Variants in LYRM4 observed in about 807,000 individuals in gnomAD.
LYRM4 encodes LYR motif containing 4, also known as LYR motif-containing protein 4.
A neutral mutation model predicts 11.7 loss-of-function variants in LYRM4; 9 were observed. The ratio of observed to expected loss-of-function variants is 0.77; its 90% CI spans 0.46 to 1.34. LYRM4 has a LOEUF of 1.34. LYRM4 is among the 40% of genes most tolerant of loss of function. LYRM4 has a pLI of 0.00. For missense variants in LYRM4, 133 were observed against 112.5 expected, an observed-to-expected ratio of 1.18 and a Z score of -0.82; for synonymous variants, 42 against 40.4, an observed-to-expected ratio of 1.04 and a Z score of -0.15.
At chr6:5,034,757 T>TTTTTTTTTTTTTTTTTTG in the LYRM4 span, 1 of 11,818 alleles carries the variant, frequency 8.5e-5, no homozygotes, top group African/African-American at 1.6e-4. Context: ...GCAATGCTTT[T>TTTTTTTTTTTTTTTTTTG]TTTTTTTTTT....
chr6:5,082,029 A>T, the LYRM4 span, among the ~76,000 whole-genome samples: 1 of 152,228 alleles, frequency 6.6e-6, no homozygotes, highest in South Asian at 2.1e-4. Context: ...TCTGTCTTCT[A>T]TCTCTTCCCT....
At chr6:5,186,469 G>T in intron 2 of LYRM4, 1 of 772,134 alleles carries the variant, frequency 1.3e-6, no homozygotes, top group Non-Finnish European at 1.6e-6. Flanking sequence ...TTCCATAAAT[G>T]ATACTAGGAC....
At chr6:5,236,510 C>A (rs982926014) in intron 1 of LYRM4, 11 of 151,558 alleles carry the variant, frequency 7.3e-5, no homozygotes, top group African/African-American at 2.7e-4. Flanking sequence ...TTTCTGAAAC[C>A]AAAGTTTTCA....
chr6:5,179,063 A>T (rs1759904327), intron 2 of LYRM4, among the ~76,000 whole-genome samples: 2 of 66,748 alleles, frequency 3.0e-5, no homozygotes, highest in African/African-American at 1.5e-4. Context: ...AAACCAAAAA[A>T]ACAAAAAAAA....
intron 2 of LYRM4, among the ~76,000 whole-genome samples, chr6:5,191,188 T>G (rs1408549850): frequency 8.5e-5 from 13 of 152,268 alleles, no homozygotes; most frequent in Middle Eastern, 3.4e-3. Flanking sequence ...TGGAAGCTAT[T>G]AAAACAACAT....
Position 5,119,929 on chromosome 6 carries a change from C to T in LYRM4, c.208-10438G>A, listed in dbSNP as rs561319276. Among the ~76,000 whole-genome samples the T allele has an allele frequency of 1.3e-4, 20 of 151,550 alleles. 1 individual carries two copies. The South Asian group carries it at 4.2e-3, about 32-fold the overall frequency. On this transcript the variant is annotated intron_variant, in intron 2 of 2. Transcript: ENST00000330636. The stretch of plus-strand genomic sequence containing the variant: ...ACTATTTTATTTTTTGAGAAAGAGT[C>T]TCGCTCTGTCATCCAAGCTGGAGTG...
chr6:5,156,418 T>C (rs550001043), intron 2 of LYRM4, among the ~76,000 whole-genome samples: 2 of 152,112 alleles, frequency 1.3e-5, no homozygotes, highest in Non-Finnish European at 2.9e-5. Flanking sequence ...GCCTGTGCAT[T>C]TGCTATACTG....
intron 1 of LYRM4, among the ~76,000 whole-genome samples, chr6:5,219,953 C>T (rs1265192414): frequency 2.0e-5 from 3 of 152,178 alleles, no homozygotes; most frequent in East Asian, 3.9e-4. Flanking sequence ...AGCCCCACAG[C>T]CACAGAAACA....
intron 2 of LYRM4, among the ~76,000 whole-genome samples, chr6:5,117,789 G>A (rs1763190199): frequency 6.6e-6 from 1 of 152,068 alleles, no homozygotes. Context: ...GGTTGCTTGA[G>A]CCCAGGAGTT....
intron 2 of LYRM4, among the ~76,000 whole-genome samples, chr6:5,158,345 A>T (rs1415997606): frequency 6.6e-6 from 1 of 152,204 alleles, no homozygotes; most frequent in Non-Finnish European, 1.5e-5. Flanking sequence ...TTTACACTGA[A>T]TGCACTGTCA....
chr6:5,223,408 C>T (rs1762700098), intron 1 of LYRM4, among the ~76,000 whole-genome samples: 1 of 152,152 alleles, frequency 6.6e-6, no homozygotes, highest in Non-Finnish European at 1.5e-5. Context: ...GCCAAGATCG[C>T]ATGTCTCGTA....
At chr6:5,188,259 G>A (rs1760539857) in intron 2 of LYRM4, among the ~76,000 whole-genome samples, 1 of 151,752 alleles carries the variant, frequency 6.6e-6, no homozygotes, top group Non-Finnish European at 1.5e-5. Flanking sequence ...ATGGCATGAG[G>A]TGCCAGCTAC....
rs6597117 is a variant in LYRM4, at chr6:5,155,877, T to G, written c.208-46386A>C. On this transcript the variant is annotated intron_variant, in intron 2 of 2. Coordinates refer to ENST00000330636, the MANE Select transcript of LYRM4 (RefSeq NM_020408.6). ...TGTATGTTCCAAAGTATTATACATG[T>G]TCCCTGTGAAATACACATTAGTTGT... is the stretch of plus-strand genomic sequence containing the variant. Among the ~76,000 whole-genome samples, 3 of 152,126 alleles carry G rather than the reference T, an allele frequency of 2.0e-5. No individual in the cohort carries two copies. In the South Asian group the frequency reaches 6.2e-4, roughly 31 times the overall value.
chr6:5,068,652 G>T, the LYRM4 span, among the ~76,000 whole-genome samples: 4 of 152,124 alleles, frequency 2.6e-5, no homozygotes, highest in African/African-American at 9.7e-5. The surrounding 1 kb of genome is among the most constrained non-coding windows in gnomAD (Gnocchi z 4.0). Flanking sequence ...ACTTAATCCC[G>T]TTGGAAAGGG....
intron 1 of LYRM4, chr6:5,218,369 G>A: frequency 1.0e-6 from 1 of 985,042 alleles, no homozygotes; most frequent in South Asian, 4.7e-5. Flanking sequence ...AGCGCGGAGG[G>A]GGTGTTGGGA....
At chr6:5,047,922 C>A in the LYRM4 span, among the ~76,000 whole-genome samples, 1 of 152,096 alleles carries the variant, frequency 6.6e-6, no homozygotes, top group Non-Finnish European at 1.5e-5. Context: ...GGAAGGGTTC[C>A]CAGGTCTGCT....
At chr6:5,250,537 T>G (rs1403428967) in intron 1 of LYRM4, among the ~76,000 whole-genome samples, 1 of 152,210 alleles carries the variant, frequency 6.6e-6, no homozygotes, top group Admixed American at 6.5e-5. Flanking sequence ...AAAATGTTTT[T>G]TGGAAACTCC....
chr6:5,090,777 C>T, the LYRM4 span, among the ~76,000 whole-genome samples: 1 of 152,144 alleles, frequency 6.6e-6, no homozygotes, highest in Non-Finnish European at 1.5e-5. This position sits in a 1 kb window ranked among gnomAD's most constrained non-coding sequence, Gnocchi z 4.8. Flanking sequence ...GCATTAGTGT[C>T]GGATTCTTCA....
At chr6:5,233,525 A>G (rs1486082361) in intron 1 of LYRM4, among the ~76,000 whole-genome samples, 1 of 152,202 alleles carries the variant, frequency 6.6e-6, no homozygotes, top group African/African-American at 2.4e-5. Flanking sequence ...TGATCTGCAC[A>G]AAACTTCTAC....
Sources: gnomAD v4.1 joint callset for allele counts (sites outside exome capture counted in the v4.1 genomes callset) on GRCh38, gnomAD v4.1.1 for gene constraint, Gnocchi (gnomAD v3.1) non-coding constraint, MANE v1.5 for transcripts, NCBI Gene and HGNC (gene_info 2026-07-23, HGNC 2026-07-21) for gene names.